Variants in SLC25A48 observed in about 807,000 individuals in gnomAD.
SLC25A48 encodes solute carrier family 25 member 48.
In SLC25A48, 29 loss-of-function variants were observed where a neutral mutation model predicts 32.2. That is an observed-to-expected ratio of 0.90 (90% CI 0.67 to 1.23). SLC25A48 has a LOEUF of 1.23. SLC25A48 is among the 50% of genes most tolerant of loss of function. The pLI is 0.00. For missense variants in SLC25A48, 399 were observed against 422.7 expected, an observed-to-expected ratio of 0.94 and a Z score of 0.49; for synonymous variants, 164 against 172.3, an observed-to-expected ratio of 0.95 and a Z score of 0.38.
intron 3 of SLC25A48, among the ~76,000 whole-genome samples, chr5:135,809,136 A>C (rs1334840042): frequency 6.6e-6 from 1 of 151,680 alleles, no homozygotes. Flanking sequence ...ACCCATCTCT[A>C]CAAAAAAAAA....
At chr5:135,721,756 G>A (rs1754961226) in intron 3 of SLC25A48, among the ~76,000 whole-genome samples, 1 of 152,218 alleles carries the variant, frequency 6.6e-6, no homozygotes, top group Non-Finnish European at 1.5e-5. Context: ...GAGGAAGAGG[G>A]CAGCAGAGAA....
intron 7 of SLC25A48, among the ~76,000 whole-genome samples, chr5:135,885,773 T>C (rs1762690940): frequency 6.6e-6 from 1 of 152,048 alleles, no homozygotes; most frequent in Non-Finnish European, 1.5e-5. Context: ...ATAATGAAAA[T>C]TCAGAAAGTT....
intron 4 of SLC25A48, among the ~76,000 whole-genome samples, chr5:135,828,159 G>A (rs79715075): frequency 0.012 from 1,790 of 152,336 alleles, 35 homozygotes; most frequent in African/African-American, 0.041. Context: ...TAGTTTGCAG[G>A]AAAGATTTGG....
chr5:135,721,034 T>TTTTTTA (rs1388829103), intron 3 of SLC25A48, among the ~76,000 whole-genome samples: 3 of 151,858 alleles, frequency 2.0e-5, no homozygotes, highest in East Asian at 1.9e-4. Context: ...TCCCATTCCC[T>TTTTTTA]TTTTTATTTT....
intron 3 of SLC25A48, among the ~76,000 whole-genome samples, chr5:135,755,857 C>T (rs537957573): frequency 4.6e-5 from 7 of 151,730 alleles, no homozygotes; most frequent in South Asian, 4.2e-4. Context: ...AATGAAATAT[C>T]GCTGTGATAT....
At chr5:135,683,727 T>A (rs1753953467) in intron 3 of SLC25A48, among the ~76,000 whole-genome samples, 1 of 152,196 alleles carries the variant, frequency 6.6e-6, no homozygotes, top group African/African-American at 2.4e-5. Context: ...CCTTACAGTT[T>A]CTAGTCCTTC....
At chr5:135,830,492 C>T (rs1758176178), upstream of SLC25A48, among the ~76,000 whole-genome samples, 1 of 152,234 alleles carries the variant, frequency 6.6e-6, no homozygotes, top group South Asian at 2.1e-4. Flanking sequence ...AGCTGCTTCA[C>T]CCCCTCACTT....
chr5:135,632,712 C>G (rs545120930), intron 2 of SLC25A48, among the ~76,000 whole-genome samples: 1 of 152,282 alleles, frequency 6.6e-6, no homozygotes, highest in East Asian at 1.9e-4. Context: ...TGTCATTATA[C>G]TAATTTGAAA....
chr5:135,596,307 C>T (rs1057128256), intron 1 of SLC25A48, among the ~76,000 whole-genome samples: 3 of 152,114 alleles, frequency 2.0e-5, no homozygotes, highest in Non-Finnish European at 2.9e-5. Flanking sequence ...AGAGATGAAA[C>T]TCCACCAGAT....
At chr5:135,791,182 C>T (rs1757021841) in intron 3 of SLC25A48, among the ~76,000 whole-genome samples, 1 of 151,466 alleles carries the variant, frequency 6.6e-6, no homozygotes, top group Admixed American at 6.6e-5. Flanking sequence ...ACTGAGGGTA[C>T]ACCCTGTATC....
chr5:135,681,439 C>T (rs2126950457), intron 3 of SLC25A48, among the ~76,000 whole-genome samples: 1 of 152,250 alleles, frequency 6.6e-6, no homozygotes, highest in East Asian at 1.9e-4. Context: ...CATGTCTCTC[C>T]TTGACATTTT....
At position 135,655,863 on chromosome 5, in the gene SLC25A48, AATTTT is replaced by A. The variant is rs1325437786; in HGVS notation, c.-521+20916_-521+20920del. On this transcript the variant is annotated intron_variant, in intron 3 of 10. Coordinates refer to the SLC25A48 transcript ENST00000646290. ...TTATTGCTCTGGGATCAGATTTTGG[AATTTT>A]ATTTTATTAATATTCTTTTCTGCAA... 2.6e-5 allele frequency among the ~76,000 whole-genome samples: 4 copies of A among 152,142 alleles called. No homozygotes were observed. The South Asian group carries it at 6.2e-4, about 24-fold the overall frequency.
intron 3 of SLC25A48, among the ~76,000 whole-genome samples, chr5:135,802,118 C>T (rs1252504363): frequency 1.3e-5 from 2 of 151,764 alleles, no homozygotes; most frequent in Non-Finnish European, 2.9e-5. Flanking sequence ...ATATTACTCC[C>T]AATACCCTCA....
At chr5:135,842,484 C>G in intron 2 of SLC25A48, 25 bp downstream of exon 2, 1 of 1,610,572 alleles carries the variant, frequency 6.2e-7, no homozygotes, top group South Asian at 1.1e-5. Flanking sequence ...TTTCCCATTA[C>G]CTCTTAAAAA....
chr5:135,750,475 G>GGCAGCTGGGAATGAC (rs1162754464), intron 3 of SLC25A48, among the ~76,000 whole-genome samples: 1 of 152,130 alleles, frequency 6.6e-6, no homozygotes. Context: ...ACCTTTAAAT[G>GGCAGCTGGGAATGAC]GCAGCTGGGA....
chr5:135,777,125 C>T (rs554247213), intron 3 of SLC25A48, among the ~76,000 whole-genome samples: 8 of 148,744 alleles, frequency 5.4e-5, no homozygotes, highest in East Asian at 2.0e-4. Context: ...GGGGAGAGGA[C>T]GATATTATTT....
At chr5:135,863,797 G>A (rs188303216) in intron 4 of SLC25A48, among the ~76,000 whole-genome samples, 67 of 152,284 alleles carry the variant, frequency 4.4e-4, no homozygotes, top group African/African-American at 1.6e-3. Context: ...AGAAACTGGT[G>A]TTACTGAAGT....
intron 4 of SLC25A48, among the ~76,000 whole-genome samples, chr5:135,814,335 C>G (rs1757663978): frequency 6.6e-6 from 1 of 152,240 alleles, no homozygotes; most frequent in South Asian, 2.1e-4. Flanking sequence ...ACAGCCTACT[C>G]TGATCACTCC....
chr5:135,813,448 C>T (rs1398205248), intron 4 of SLC25A48, among the ~76,000 whole-genome samples: 1 of 152,074 alleles, frequency 6.6e-6, no homozygotes, highest in African/African-American at 2.4e-5. Context: ...AGAGACTGTG[C>T]ATGGGGTATC....
Sources: gnomAD v4.1 joint callset for allele counts (sites outside exome capture counted in the v4.1 genomes callset) on GRCh38, gnomAD v4.1.1 for gene constraint, MANE v1.5 for transcripts, NCBI Gene and HGNC (gene_info 2026-07-23, HGNC 2026-07-21) for gene names.